ANHX: variants seen among roughly 807,000 people sequenced by gnomAD.
ANHX encodes the protein anomalous homeobox protein.
ANHX carries 20 observed loss-of-function variants against 38.9 expected under a neutral mutation model. That is an observed-to-expected ratio of 0.51 (90% CI 0.36 to 0.75). ANHX has a LOEUF of 0.75. Among genes scored for constraint, ANHX ranks in the 30% least tolerant of loss-of-function variants. The pLI is 0.00. For missense variants in ANHX, 475 were observed against 493.1 expected (o/e 0.96, Z 0.35); for synonymous variants, 185 against 203.1 (o/e 0.91, Z 0.76).
chr12:133,226,282 G>A, intron 6 of ANHX, 36 bp downstream of exon 6: 1 of 1,536,198 alleles, frequency 6.5e-7, no homozygotes, highest in Non-Finnish European at 8.7e-7. Context: ...GAACTGAATA[G>A]GTGAGATGAT....
intron 2 of ANHX, among the ~76,000 whole-genome samples, chr12:133,232,691 C>T (rs919926118): frequency 6.6e-6 from 1 of 152,214 alleles, no homozygotes; most frequent in Non-Finnish European, 1.5e-5. Context: ...CTTCTAATTC[C>T]TCTGCAGGGG....
At chr12:133,219,907 C>G (rs938612845) in intron 8 of ANHX, among the ~76,000 whole-genome samples, 5 of 151,944 alleles carry the variant, frequency 3.3e-5, no homozygotes, top group Non-Finnish European at 7.3e-5. Flanking sequence ...GCACGTGGCT[C>G]CCCAGAGAGA....
chr12:133,227,240 C>T (rs1957202454), intron 4 of ANHX, 88 bp from the exon 5 acceptor site: 2 of 1,382,174 alleles, frequency 1.4e-6, no homozygotes, highest in Non-Finnish European at 1.9e-6. Flanking sequence ...CTCATTTACA[C>T]CAAGAAAGGG....
At chr12:133,228,068 CCT>C (rs937888293) in intron 3 of ANHX, 121 bp from the exon 4 acceptor site, 2 of 1,110,060 alleles carry the variant, frequency 1.8e-6, no homozygotes, top group African/African-American at 3.1e-5. Context: ...CTGGGGGATG[CCT>C]CTCTCTGCCT....
In ANHX at chr12:133,218,959, C is replaced by A. The variant is rs1157410002; in HGVS notation, c.1378G>T (p.Asp460Tyr). Residue 460 changes from aspartate to tyrosine, a missense_variant, in exon 10 of 10, where the codon GAT (aspartate) becomes TAT (tyrosine). Transcript: ENST00000545940. The stretch of plus-strand genomic sequence containing the variant: ...AAGGCATCACCAGAGGCCTGGCTAT[C>A]AGAACACTGCACCTGGAAGACAACA... Reference protein sequence around the residue: ...ALPSSQVQCSDSQASGDAFWG... With the variant: ...ALPSSQVQCSYSQASGDAFWG... The A allele has an allele frequency of 3.3e-6, 5 of 1,534,124 alleles. No homozygotes were observed. The East Asian group carries it at 7.3e-5, about 23-fold the overall frequency.
chr12:133,225,355 G>A (rs1957176877), intron 7 of ANHX, among the ~76,000 whole-genome samples, 181 bp downstream of exon 7: 1 of 151,908 alleles, frequency 6.6e-6, no homozygotes, highest in Non-Finnish European at 1.5e-5. Context: ...TAAAACAGAT[G>A]AGAAATAATC....
rs36146434 is a variant in ANHX at position 133,226,965 on chromosome 12, G to C, written c.689C>G (p.Ser230Cys). The C allele has an allele frequency of 0.2, 311,278 of 1,530,052 alleles. 33,294 individuals carry two copies. Among genetic ancestry groups the C allele is most frequent in the Middle Eastern group, 0.25 (1,509 of 5,940 alleles). 94.8% of individuals were successfully genotyped at this position (1,530,052 alleles called of 1,614,324 possible). A position where few individuals can be genotyped will look rare whatever the true frequency, so the allele number is the denominator to read the frequency against. The change falls in exon 5 of 10, where the codon TCT becomes TGT. Residue 230 changes from serine to cysteine, a missense_variant. Transcript: ENST00000545940. ...CCACTGAGGCCTGTCCACAAACCCAGAGTCAACACGGGGGTTGCCTGAGGG... is the reference window on the plus strand; with the variant it reads ...CCACTGAGGCCTGTCCACAAACCCACAGTCAACACGGGGGTTGCCTGAGGG... The part of the protein sequence containing the change: ...LQPSGNPRVD[S>C]GFVDRPQWSE...
intron 3 of ANHX, among the ~76,000 whole-genome samples, chr12:133,231,071 A>G (rs149426316): frequency 0.016 from 2,498 of 152,238 alleles, 67 homozygotes; most frequent in African/African-American, 0.057. Flanking sequence ...GCAACCCCTC[A>G]GTGGCCACCC....
intron 2 of ANHX, 142 bp from the exon 3 acceptor site, chr12:133,231,786 T>A (rs1957282302): frequency 4.6e-6 from 5 of 1,082,538 alleles, no homozygotes; most frequent in Non-Finnish European, 6.5e-6. Context: ...ATTCACTGAT[T>A]TTACAAAGTG....
chr12:133,219,247 A>C, intron 9 of ANHX, 36 bp downstream of exon 9: 1 of 1,503,586 alleles, frequency 6.7e-7, no homozygotes, highest in Non-Finnish European at 8.9e-7. Context: ...CCAGGAGTAA[A>C]GAGGGAATCC....
At chr12:133,224,870 G>T (rs1021489814) in intron 7 of ANHX, among the ~76,000 whole-genome samples, 2 of 151,118 alleles carry the variant, frequency 1.3e-5, no homozygotes, top group Non-Finnish European at 2.9e-5. Flanking sequence ...GGGAGGCTGA[G>T]GCAGGAGAAT....
At chr12:133,223,197 A>T (rs189518131) in intron 7 of ANHX, among the ~76,000 whole-genome samples, 87,893 of 150,842 alleles carry the variant, frequency 0.58, 27,189 homozygotes, top group East Asian at 0.9. Context: ...CTCAAAAAAA[A>T]ATATATATAT....
Position 133,218,851 on chromosome 12 carries a change from C to T in ANHX, c.*34G>A, listed in dbSNP as rs2135544716. On this transcript the variant is annotated 3_prime_UTR_variant, in exon 10 of 10. Transcript: ENST00000545940. Reference sequence around the variant, plus strand: ...ACCAGGCAGACCATCCACACCCGCTCCTCCTGGGGTGCTGTCTGGCTCCTG... The same window carrying T: ...ACCAGGCAGACCATCCACACCCGCTTCTCCTGGGGTGCTGTCTGGCTCCTG... 6.9e-7 allele frequency: 1 copy of T among 1,455,190 alleles called. No homozygotes were observed. Among genetic ancestry groups the T allele is most frequent in the African/African-American group, 1.4e-5 (1 of 70,640 alleles). 90.1% of individuals were successfully genotyped at this position (1,455,190 alleles called of 1,614,324 possible). A position where few individuals can be genotyped will look rare whatever the true frequency, so the allele number is the denominator to read the frequency against.
At chr12:133,232,394 G>A (rs963740661) in intron 2 of ANHX, among the ~76,000 whole-genome samples, 3 of 72,060 alleles carry the variant, frequency 4.2e-5, no homozygotes, top group Non-Finnish European at 5.8e-5. Flanking sequence ...CCATCCTGGC[G>A]AGGGAGGTGC....
intron 6 of ANHX, 47 bp downstream of exon 6, chr12:133,226,271 G>A: frequency 3.3e-6 from 5 of 1,536,122 alleles, no homozygotes; most frequent in Non-Finnish European, 4.4e-6. Flanking sequence ...AGGAGGAAAG[G>A]GAACTGAATA....
chr12:133,226,063 C>T (rs1037313201), intron 6 of ANHX, among the ~76,000 whole-genome samples: 1 of 152,146 alleles, frequency 6.6e-6, no homozygotes, highest in Non-Finnish European at 1.5e-5. Flanking sequence ...AGTCTGTTAC[C>T]CCGTTCTCCA....
intron 1 of ANHX, chr12:133,234,867 A>T (rs1283538983): frequency 2.5e-5 from 4 of 157,328 alleles, no homozygotes; most frequent in African/African-American, 9.6e-5. Context: ...ACGGTGCCTC[A>T]CCTAAGGACA....
chr12:133,233,199 G>T (rs1034486773), intron 2 of ANHX, among the ~76,000 whole-genome samples: 3 of 152,154 alleles, frequency 2.0e-5, no homozygotes, highest in Non-Finnish European at 2.9e-5. Context: ...AGAGGTGAGA[G>T]GACAGCAGCA....
rs1593954405 is a variant in ANHX at position 133,221,168 on chromosome 12, A to C, written c.1280+37T>G. 4 of 1,533,312 alleles carry C rather than the reference A, an allele frequency of 2.6e-6. No individual in the cohort carries two copies. The highest frequency in any genetic ancestry group is 1.4e-5 in the African/African-American group (1 of 73,072). 95.0% of individuals were successfully genotyped at this position (1,533,312 alleles called of 1,614,324 possible). A position where few individuals can be genotyped will look rare whatever the true frequency, so the allele number is the denominator to read the frequency against. On this transcript the variant is annotated intron_variant, in intron 8 of 9. Transcript: ENST00000545940. The surrounding 1 kb of genome is among the most constrained non-coding windows in gnomAD (Gnocchi z 4.1). ...CATTACCCTATCTTGTGGCCTGTGG[A>C]AAGGACTGTCCAGGCCTGTGGCTCT... is the stretch of plus-strand genomic sequence containing the variant.
Sources: gnomAD v4.1 joint callset for allele counts (sites outside exome capture counted in the v4.1 genomes callset) on GRCh38, gnomAD v4.1.1 for gene constraint, Gnocchi (gnomAD v3.1) non-coding constraint, MANE v1.5 for transcripts, NCBI Gene and HGNC (gene_info 2026-07-23, HGNC 2026-07-21) for gene names.